The following DEPDC5 variants were observed in gnomAD, a reference collection of about 807,000 sequenced individuals.
The protein encoded by DEPDC5 is GATOR1 complex protein DEPDC5.
DEPDC5 carries 73 observed loss-of-function variants against 217.3 expected under a neutral mutation model. The ratio of observed to expected loss-of-function variants is 0.34; its 90% CI spans 0.28 to 0.41. The LOEUF (loss-of-function observed/expected upper bound fraction) is 0.41, where lower values mean the gene tolerates loss of function less well. Ranked by LOEUF, DEPDC5 falls within the 10% of genes least tolerant of loss-of-function variation. The pLI, the probability that DEPDC5 is intolerant of heterozygous loss-of-function variation, is 1.00. For missense variants in DEPDC5, 1,675 were observed against 2,070.1 expected, an observed-to-expected ratio of 0.81 and a Z score of 3.70; for synonymous variants, 733 against 756.7, an observed-to-expected ratio of 0.97 and a Z score of 0.51.
chr22:31,826,199 G>A (rs1417413580), intron 24 of DEPDC5, among the ~76,000 whole-genome samples: 1 of 151,992 alleles, frequency 6.6e-6, no homozygotes, highest in Non-Finnish European at 1.5e-5. Flanking sequence ...TAGAGATGGA[G>A]TCTTGCCATG....
At chr22:31,804,366 G>A (rs574476075) in intron 16 of DEPDC5, 143 bp downstream of exon 16, 16 of 765,938 alleles carry the variant, frequency 2.1e-5, no homozygotes, top group South Asian at 5.3e-5. Context: ...TAGGAGTTTC[G>A]GTATAGTTTG....
intron 39 of DEPDC5, 53 bp from the exon 40 acceptor site, chr22:31,897,429 C>A: frequency 1.9e-6 from 3 of 1,554,510 alleles, no homozygotes; most frequent in Non-Finnish European, 1.7e-6. Context: ...AGTATTTTCT[C>A]TTGTTTGAAA....
At position 31,810,623 on chromosome 22, in the gene DEPDC5, A is replaced by G; in HGVS notation, c.1427A>G (p.Gln476Arg). The change falls in exon 20 of 43, where the codon CAG (glutamine) becomes CGG (arginine). Residue 476 changes from glutamine (Q) to arginine (R), a missense_variant. Gln to Arg is a conservative substitution (Grantham distance 43, BLOSUM62 1). Coordinates refer to ENST00000651528, the MANE Select transcript of DEPDC5 (RefSeq NM_001242896.3). ...VFRLPGPSRA[Q>R]CLTTCRSVRE... The stretch of plus-strand genomic sequence containing the variant: ...AGGCTGCCCGGCCCATCCCGGGCCC[A>G]GTGCCTCACCACCTGCAGGTTTTCT... The G allele has an allele frequency of 6.2e-7, 1 of 1,614,220 alleles. No individual in the cohort carries two copies. The highest frequency in any genetic ancestry group is 8.5e-7 in the Non-Finnish European group (1 of 1,180,040).
In DEPDC5 at chr22:31,821,508, C is replaced by A. The variant is rs2089694690; in HGVS notation, c.1877C>A (p.Ser626Tyr). The A allele has an allele frequency of 6.2e-7, 1 of 1,614,170 alleles. No homozygotes were observed. The highest frequency in any genetic ancestry group is 8.5e-7 in the Non-Finnish European group (1 of 1,180,014). Residue 626 changes from serine to tyrosine, a missense_variant, in exon 23 of 43, where the codon TCC becomes TAC. Around this residue, in one of 11 missense-constraint regions of DEPDC5, gnomAD observed 8 missense variants for 28.1 expected, o/e 0.28. Transcript: ENST00000651528. Reference protein sequence around the residue: ...RWMHTFPVGPSGEAIQIHHQT... With the variant: ...RWMHTFPVGPYGEAIQIHHQT... The stretch of plus-strand genomic sequence containing the variant: ...TGGTTCTTTATCTGGGTAGGGCCAT[C>A]CGGAGAAGCCATCCAGATCCACCAC...
At chr22:31,788,130 A>T (rs2085208027) in intron 10 of DEPDC5, among the ~76,000 whole-genome samples, 1 of 152,084 alleles carries the variant, frequency 6.6e-6, no homozygotes, top group African/African-American at 2.4e-5. Flanking sequence ...AAAGGACTTG[A>T]ATCAACATTT....
intron 12 of DEPDC5, among the ~76,000 whole-genome samples, chr22:31,797,215 CT>C (rs1185291799): frequency 6.6e-6 from 1 of 152,030 alleles, no homozygotes; most frequent in African/African-American, 2.4e-5. Flanking sequence ...CATTTTCTCA[CT>C]GCTGTAAAGA....
At position 31,821,491 on chromosome 22, in the gene DEPDC5, T is replaced by C. The variant is rs771465039; in HGVS notation, c.1871-11T>C. On this transcript the variant is annotated splice_polypyrimidine_tract_variant and intron_variant, in intron 22 of 42. Transcript: ENST00000651528. ...GTGGGAATGATGCTCAGTGGTTCTT[T>C]ATCTGGGTAGGGCCATCCGGAGAAG... 1 of 1,613,794 alleles carries C rather than the reference T, an allele frequency of 6.2e-7. No individual in the cohort carries two copies. The highest frequency in any genetic ancestry group is 2.2e-5 in the East Asian group (1 of 44,844).
intron 38 of DEPDC5, among the ~76,000 whole-genome samples, chr22:31,881,655 T>G (rs1299500738): frequency 1.3e-5 from 2 of 151,706 alleles, no homozygotes; most frequent in African/African-American, 2.4e-5. Context: ...CTATTAGAAA[T>G]AGCAAATAAG....
chr22:31,890,788 C>T (rs111978656), intron 38 of DEPDC5, among the ~76,000 whole-genome samples: 7,275 of 151,454 alleles, frequency 0.048, 547 homozygotes, highest in African/African-American at 0.16. Context: ...TGCAATGGTG[C>T]GATCTCGGCT....
intron 7 of DEPDC5, among the ~76,000 whole-genome samples, chr22:31,776,572 C>CTT (rs34058587): frequency 0.13 from 13,261 of 104,064 alleles, 1,905 homozygotes; most frequent in African/African-American, 0.2. Context: ...GTACTATTCA[C>CTT]TTTTTTTTTT....
chr22:31,804,372 G>T (rs2087239121), intron 16 of DEPDC5, 149 bp downstream of exon 16: 4 of 734,978 alleles, frequency 5.4e-6, no homozygotes, highest in Non-Finnish European at 6.9e-6. Context: ...TTTCGGTATA[G>T]TTTGCTATGA....
At chr22:31,820,055 T>A (rs191832285) in intron 22 of DEPDC5, among the ~76,000 whole-genome samples, 1 of 152,290 alleles carries the variant, frequency 6.6e-6, no homozygotes, top group Admixed American at 6.5e-5. Flanking sequence ...AATTAAACTT[T>A]AGCTTAATGG....
chr22:31,815,063 T>C lies in DEPDC5; in HGVS notation c.1517T>C (p.Leu506Pro). Residue 506 changes from leucine (L) to proline (P), a missense_variant, in exon 21 of 43, where the codon CTA becomes CCA. Coordinates refer to ENST00000651528, the MANE Select transcript of DEPDC5 (RefSeq NM_001242896.3). Reference sequence around the variant, plus strand: ...TGTGATGTTTCATCCAGCCCTTCCCTACCAAGCCGCACACTGCCCACTGAG... The same window carrying C: ...TGTGATGTTTCATCCAGCCCTTCCCCACCAAGCCGCACACTGCCCACTGAG... Reference protein sequence around the residue: ...SSCDVSSSPSLPSRTLPTEEV... With the variant: ...SSCDVSSSPSPPSRTLPTEEV... 6.2e-7 allele frequency: 1 copy of C among 1,614,196 alleles called. No homozygotes were observed. Among genetic ancestry groups the C allele is most frequent in the South Asian group, 1.1e-5 (1 of 91,084 alleles).
chr22:31,781,197 CAA>C (rs1253367612), intron 8 of DEPDC5, among the ~76,000 whole-genome samples: 1 of 136,048 alleles, frequency 7.4e-6, no homozygotes, highest in Non-Finnish European at 1.6e-5. Context: ...GCCTGGGCAA[CAA>C]GAGCGAAACT....
At chr22:31,837,415 A>G in intron 26 of DEPDC5, 1 of 486,886 alleles carries the variant, frequency 2.1e-6, no homozygotes. Context: ...CAGTGGTATG[A>G]TCACAACTCA....
At chr22:31,845,687 T>TGC in intron 30 of DEPDC5, among the ~76,000 whole-genome samples, 1 of 152,286 alleles carries the variant, frequency 6.6e-6, no homozygotes, top group East Asian at 1.9e-4. Context: ...TTATGGAATA[T>TGC]GCCAGCTATA....
At chr22:31,774,961 G>A (rs545153830) in intron 7 of DEPDC5, among the ~76,000 whole-genome samples, 2 of 152,170 alleles carry the variant, frequency 1.3e-5, no homozygotes, top group South Asian at 4.2e-4. Flanking sequence ...TCTCTTCTGA[G>A]GTCAGGCTTG....
intron 38 of DEPDC5, among the ~76,000 whole-genome samples, chr22:31,892,342 A>G (rs563110191): frequency 1.3e-5 from 2 of 152,146 alleles, no homozygotes; most frequent in Non-Finnish European, 2.9e-5. Flanking sequence ...ATAATTGACT[A>G]TTTCTTTTAG....
At chr22:31,796,223 C>T (rs776322652) in intron 12 of DEPDC5, among the ~76,000 whole-genome samples, 7 of 151,612 alleles carry the variant, frequency 4.6e-5, no homozygotes, top group Admixed American at 4.0e-4. Flanking sequence ...GCCTCAGCCT[C>T]CTGAGTATCT....
Sources: allele counts gnomAD v4.1 joint callset (sites outside exome capture counted in the v4.1 genomes callset), GRCh38; gene constraint gnomAD v4.1.1; regional missense constraint gnomAD v4.1.1; transcripts MANE v1.5; gene names NCBI Gene and HGNC (gene_info 2026-07-23, HGNC 2026-07-21).